FTCDNL1: variants seen among roughly 807,000 people sequenced by gnomAD.
FTCDNL1 encodes formiminotransferase cyclodeaminase N-terminal like.
Under a neutral mutation model 5.9 loss-of-function variants are expected in FTCDNL1, and 11 were observed. The observed-to-expected ratio is 1.87, with a 90% CI of 1.18 to 3.10. FTCDNL1 has a LOEUF of 3.10. FTCDNL1 is among the 30% of genes most tolerant of loss of function. The pLI, the probability that FTCDNL1 is intolerant of heterozygous loss-of-function variation, is 0.00. For synonymous variants in FTCDNL1, 58 were observed against 24.8 expected (o/e 2.34, Z -3.99); for missense variants, 115 against 65.5 (o/e 1.76, Z -2.61).
chr2:199,792,213 C>G lies in FTCDNL1; in HGVS notation c.212-31378G>C, dbSNP rs1699967909. Among the ~76,000 whole-genome samples, 3 of 152,042 alleles carry G rather than the reference C, an allele frequency of 2.0e-5. No homozygotes were observed. The South Asian group carries it at 6.3e-4, about 32-fold the overall frequency. ...TCACCAATATTTGAAATATGAAGCC[C>G]CAAAGCAACTGTGCAATCAAGTCTC... On this transcript the variant is annotated intron_variant, in intron 3 of 3. Coordinates refer to the FTCDNL1 transcript ENST00000416668.
chr2:199,758,156 C>A (rs1559163986), downstream of FTCDNL1, among the ~76,000 whole-genome samples: 1 of 151,618 alleles, frequency 6.6e-6, no homozygotes, highest in Admixed American at 6.6e-5. Flanking sequence ...GGGACCAGTA[C>A]CATTCAGGTA....
At chr2:199,835,432 G>A (rs142725152) in intron 3 of FTCDNL1, among the ~76,000 whole-genome samples, 2 of 152,162 alleles carry the variant, frequency 1.3e-5, no homozygotes, top group Non-Finnish European at 2.9e-5. Flanking sequence ...TATAATTATT[G>A]TAATATCATA....
the FTCDNL1 span, among the ~76,000 whole-genome samples, chr2:199,690,620 C>G: frequency 7.9e-5 from 12 of 152,150 alleles, no homozygotes; most frequent in African/African-American, 2.9e-4. Context: ...ACAAGTATCT[C>G]CATGTTTGCA....
At chr2:199,707,077 T>G in the FTCDNL1 span, among the ~76,000 whole-genome samples, 9 of 152,234 alleles carry the variant, frequency 5.9e-5, no homozygotes, top group Non-Finnish European at 1.2e-4. Flanking sequence ...ACGTTATCAC[T>G]TATATATATC....
At chr2:199,735,106 C>A in the FTCDNL1 span, among the ~76,000 whole-genome samples, 1 of 102,822 alleles carries the variant, frequency 9.7e-6, no homozygotes, top group African/African-American at 4.0e-5. Flanking sequence ...AACAAAGCCA[C>A]TACCTTTAGA....
chr2:199,798,918 T>A (rs1029586917), intron 3 of FTCDNL1, among the ~76,000 whole-genome samples: 3 of 152,152 alleles, frequency 2.0e-5, no homozygotes, highest in Non-Finnish European at 4.4e-5. Flanking sequence ...ATAGATGACA[T>A]CCTCATCAGT....
chr2:199,735,140 A>T, the FTCDNL1 span, among the ~76,000 whole-genome samples: 1 of 150,286 alleles, frequency 6.7e-6, no homozygotes, highest in Non-Finnish European at 1.5e-5. Context: ...AAAAAACCAC[A>T]TTATTTCTCA....
Position 199,778,907 on chromosome 2 carries a change from T to C in FTCDNL1, c.212-18072A>G, listed in dbSNP as rs1032233336. Among the ~76,000 whole-genome samples, 4 of 152,272 alleles carry C rather than the reference T, an allele frequency of 2.6e-5. No individual in the cohort carries two copies. In the East Asian group the frequency reaches 5.8e-4, roughly 22 times the overall value. ...CTCTATAAAGCGCATGAGTAATAAATAGCTCAGGGAAGCCTTTCTCAGTAG... is the reference window on the plus strand; with the variant it reads ...CTCTATAAAGCGCATGAGTAATAAACAGCTCAGGGAAGCCTTTCTCAGTAG... On this transcript the variant is annotated intron_variant, in intron 3 of 3. Coordinates refer to the FTCDNL1 transcript ENST00000416668.
chr2:199,752,648 T>G, the FTCDNL1 span, among the ~76,000 whole-genome samples: 2 of 151,976 alleles, frequency 1.3e-5, no homozygotes, highest in Non-Finnish European at 2.9e-5. Flanking sequence ...CCAGCCCCCA[T>G]AATCACATAA....
the FTCDNL1 span, among the ~76,000 whole-genome samples, chr2:199,721,445 T>C: frequency 1.3e-5 from 2 of 152,202 alleles, no homozygotes; most frequent in African/African-American, 4.8e-5. Flanking sequence ...TCAAAGGACA[T>C]AGTCTCATTC....
the FTCDNL1 span, among the ~76,000 whole-genome samples, chr2:199,709,441 G>A: frequency 2.0e-5 from 3 of 152,108 alleles, no homozygotes; most frequent in African/African-American, 7.2e-5. Context: ...CTACTAGAAA[G>A]AGAGGATAGA....
intron 3 of FTCDNL1, among the ~76,000 whole-genome samples, chr2:199,821,189 G>A (rs1021457884): frequency 3.9e-5 from 6 of 152,042 alleles, no homozygotes; most frequent in Admixed American, 6.6e-5. Flanking sequence ...TCGCTCTGTC[G>A]CCCAGGCTGG....
intron 3 of FTCDNL1, among the ~76,000 whole-genome samples, chr2:199,835,409 T>C (rs1473398170): frequency 6.6e-6 from 1 of 152,196 alleles, no homozygotes; most frequent in Non-Finnish European, 1.5e-5. Context: ...TAATAAACGA[T>C]AATTAATGAT....
At chr2:199,695,871 G>A in the FTCDNL1 span, among the ~76,000 whole-genome samples, 1 of 152,212 alleles carries the variant, frequency 6.6e-6, no homozygotes, top group Non-Finnish European at 1.5e-5. Context: ...GGTGGCTTTT[G>A]CCTTTGTTGA....
At chr2:199,703,767 G>A in the FTCDNL1 span, among the ~76,000 whole-genome samples, 11 of 152,170 alleles carry the variant, frequency 7.2e-5, no homozygotes, top group African/African-American at 2.6e-4. Context: ...TTATTATTGG[G>A]TGCATGGAGC....
chr2:199,785,265 T>TTTTTTTTTTTTTTTA (rs1574499072), intron 3 of FTCDNL1, among the ~76,000 whole-genome samples: 2 of 143,642 alleles, frequency 1.4e-5, no homozygotes, highest in African/African-American at 5.3e-5. Context: ...TTTTTTTTTT[T>TTTTTTTTTTTTTTTA]GAGACAGAAT....
the FTCDNL1 span, among the ~76,000 whole-genome samples, chr2:199,665,460 C>T: frequency 6.6e-6 from 1 of 151,736 alleles, no homozygotes; most frequent in Non-Finnish European, 1.5e-5. Flanking sequence ...GGTGAAACCC[C>T]GTCTCTACTA....
chr2:199,674,299 A>C, the FTCDNL1 span, among the ~76,000 whole-genome samples: 2 of 152,270 alleles, frequency 1.3e-5, no homozygotes, highest in East Asian at 3.9e-4. Context: ...AAGACTTTTC[A>C]TAAGGAGAGG....
the FTCDNL1 span, among the ~76,000 whole-genome samples, chr2:199,687,409 G>C: frequency 2.0e-5 from 3 of 152,146 alleles, no homozygotes; most frequent in Non-Finnish European, 4.4e-5. Context: ...TTCCGATTTT[G>C]AACTTACCAT....
Sources: gnomAD v4.1 joint callset for allele counts (sites outside exome capture counted in the v4.1 genomes callset) on GRCh38, gnomAD v4.1.1 for gene constraint, MANE v1.5 for transcripts, NCBI Gene and HGNC (gene_info 2026-07-23, HGNC 2026-07-21) for gene names.